Variants in NBEA observed in about 807,000 individuals in gnomAD.
NBEA encodes lysosomal-trafficking regulator 2.
A neutral mutation model predicts 343.4 loss-of-function variants in NBEA; 44 were observed. The ratio of observed to expected loss-of-function variants is 0.13; its 90% confidence interval spans 0.10 to 0.16. NBEA has a LOEUF of 0.16. Ranked by LOEUF, NBEA falls within the 10% of genes least tolerant of loss-of-function variation. The pLI is 1.00. For synonymous variants in NBEA, 1,175 were observed against 1,238.7 expected, an observed-to-expected ratio of 0.95 and a Z score of 1.08; for missense variants, 2,555 against 3,631.3, an observed-to-expected ratio of 0.70 and a Z score of 7.62.
chr13:35,196,393 C>T lies in NBEA; in HGVS notation c.5366+91C>T. The T allele has an allele frequency of 4.1e-6, 5 of 1,231,994 alleles. No individual in the cohort carries two copies. The South Asian group carries it at 6.6e-5, about 16-fold the overall frequency. The allele number at this position is 1,231,994 out of a possible 1,614,324, so 76.3% of individuals were successfully genotyped here. On this transcript the variant is annotated intron_variant, in intron 31 of 58. Coordinates refer to ENST00000379939, the MANE Select transcript of NBEA (RefSeq NM_001385012.1). ...TAAAATATAAGGAAGATCTTGAAAA[C>T]TTTATTAACGTAGATTCTTATTACA...
intron 39 of NBEA, among the ~76,000 whole-genome samples, chr13:35,451,375 G>T (rs895724414): frequency 7.2e-5 from 11 of 152,268 alleles, no homozygotes; most frequent in African/African-American, 2.6e-4. Context: ...GCCCACCTCG[G>T]CCTCCCAAAG....
At chr13:35,334,342 T>C (rs1305640201) in intron 36 of NBEA, among the ~76,000 whole-genome samples, 1 of 152,158 alleles carries the variant, frequency 6.6e-6, no homozygotes, top group Non-Finnish European at 1.5e-5. Context: ...TGATCTTAGC[T>C]CACTGCACCC....
chr13:35,017,731 T>TG (rs1753002844), intron 1 of NBEA, among the ~76,000 whole-genome samples: 2 of 152,154 alleles, frequency 1.3e-5, no homozygotes, highest in South Asian at 4.1e-4. Context: ...TTTGCAAATA[T>TG]TTTTCTTCAG....
At chr13:35,087,570 A>G (rs1053201747) in intron 10 of NBEA, among the ~76,000 whole-genome samples, 5 of 151,916 alleles carry the variant, frequency 3.3e-5, no homozygotes, top group Non-Finnish European at 5.9e-5. Flanking sequence ...CATTAAAATA[A>G]TATTCCAGAG....
chr13:35,037,787 C>T (rs1418855310), intron 1 of NBEA, among the ~76,000 whole-genome samples: 4 of 152,162 alleles, frequency 2.6e-5, no homozygotes, highest in Non-Finnish European at 5.9e-5. Flanking sequence ...TGTGCTGGGT[C>T]ACACCTGAAG....
intron 36 of NBEA, among the ~76,000 whole-genome samples, chr13:35,333,072 G>A (rs910450728): frequency 6.6e-6 from 1 of 152,048 alleles, no homozygotes; most frequent in Admixed American, 6.6e-5. Context: ...GTTTCTAGTG[G>A]ACTCTTCTTG....
rs1302222781 is a variant in NBEA, at chr13:35,645,921, A to G, written c.7670A>G (p.Asp2557Gly). 1 of 1,564,984 alleles carries G rather than the reference A, an allele frequency of 6.4e-7. No homozygotes were observed. The highest frequency in any genetic ancestry group is 1.8e-5 in the Admixed American group (1 of 54,926). Residue 2557 changes from aspartate (D) to glycine (G), a missense_variant, in exon 50 of 59, where the codon GAC (aspartate) becomes GGC (glycine). This residue lies in a region of NBEA where 87 missense variants were observed against 75.0 expected (regional missense o/e 1.16). Transcript: ENST00000379939. ...CCCCACACTTTCCTTCTTACAAAGGACTTTATTAAGGTATATGTTCTGTAT... is the reference window on the plus strand; with the variant it reads ...CCCCACACTTTCCTTCTTACAAAGGGCTTTATTAAGGTATATGTTCTGTAT... ...RDPHTFLLTK[D>G]FIKAMEAQIQ...
intron 41 of NBEA, among the ~76,000 whole-genome samples, chr13:35,541,547 G>T (rs766200990): frequency 1.2e-4 from 19 of 152,022 alleles, no homozygotes; most frequent in Non-Finnish European, 2.6e-4. Context: ...CCAAATAGTT[G>T]GGCTTCGTAG....
At chr13:35,609,572 A>G (rs2082414707) in intron 48 of NBEA, among the ~76,000 whole-genome samples, 1 of 152,174 alleles carries the variant, frequency 6.6e-6, no homozygotes, top group Non-Finnish European at 1.5e-5. Flanking sequence ...GTGTTGTGAA[A>G]AGCATAGGGC....
chr13:35,062,691 A>G (rs2063508886), intron 8 of NBEA, among the ~76,000 whole-genome samples: 1 of 151,884 alleles, frequency 6.6e-6, no homozygotes, highest in Non-Finnish European at 1.5e-5. Context: ...CAAAATCCTT[A>G]AAGTTCTGAA....
intron 38 of NBEA, 121 bp from the exon 39 acceptor site, chr13:35,432,147 AT>A: frequency 1.6e-6 from 1 of 634,652 alleles, no homozygotes; most frequent in Non-Finnish European, 2.5e-6. Flanking sequence ...AAATATAAGT[AT>A]CTCCAAAATT....
chr13:35,126,106 C>T (rs902750567), intron 17 of NBEA, among the ~76,000 whole-genome samples: 15 of 152,186 alleles, frequency 9.9e-5, no homozygotes, highest in Admixed American at 9.8e-4. Flanking sequence ...ACCAGGTAGA[C>T]ATAATTGGAT....
intron 33 of NBEA, 53 bp downstream of exon 33, chr13:35,211,232 A>T (rs2073750571): frequency 1.4e-6 from 2 of 1,415,868 alleles, no homozygotes; most frequent in Non-Finnish European, 1.9e-6. Flanking sequence ...GTAGTGAAAC[A>T]GTACACAAAA....
At chr13:35,471,907 C>G (rs775262201) in intron 40 of NBEA, among the ~76,000 whole-genome samples, 2 of 152,174 alleles carry the variant, frequency 1.3e-5, no homozygotes, top group Non-Finnish European at 2.9e-5. Context: ...AGAGGCAAAC[C>G]GCTCTGAACA....
At chr13:35,439,449 G>A (rs1376431895) in intron 39 of NBEA, among the ~76,000 whole-genome samples, 1 of 152,092 alleles carries the variant, frequency 6.6e-6, no homozygotes, top group Admixed American at 6.6e-5. Context: ...TAAAGGCAGA[G>A]GTCATAACAG....
chr13:35,361,762 G>A (rs568888683), intron 38 of NBEA, among the ~76,000 whole-genome samples: 2 of 151,852 alleles, frequency 1.3e-5, no homozygotes, highest in Non-Finnish European at 2.9e-5. Context: ...CCATAGACTG[G>A]GAAAAAATAC....
At chr13:35,485,759 A>C (rs1478627342) in intron 41 of NBEA, among the ~76,000 whole-genome samples, 4 of 152,074 alleles carry the variant, frequency 2.6e-5, no homozygotes, top group African/African-American at 9.7e-5. Context: ...TAACCTTTAA[A>C]ACTCATGTCA....
intron 1 of NBEA, among the ~76,000 whole-genome samples, chr13:35,037,005 T>C (rs886154796): frequency 6.6e-6 from 1 of 152,162 alleles, no homozygotes; most frequent in Non-Finnish European, 1.5e-5. Flanking sequence ...TATCTGTTTC[T>C]TTACCTCCTT....
At chr13:35,406,884 A>C (rs2043296679) in intron 38 of NBEA, among the ~76,000 whole-genome samples, 1 of 152,006 alleles carries the variant, frequency 6.6e-6, no homozygotes, top group Non-Finnish European at 1.5e-5. Context: ...ACACACTTAA[A>C]ATACTTGCTC....
Sources: allele counts gnomAD v4.1 joint callset (sites outside exome capture counted in the v4.1 genomes callset), GRCh38; gene constraint gnomAD v4.1.1; regional missense constraint gnomAD v4.1.1; transcripts MANE v1.5; gene names NCBI Gene and HGNC (gene_info 2026-07-23, HGNC 2026-07-21).